The following HERC2 variants were observed in gnomAD, a reference collection of about 807,000 sequenced individuals.
HERC2 encodes the protein HECT and RLD domain containing E3 ubiquitin protein ligase 2.
Under a neutral mutation model 537.7 loss-of-function variants are expected in HERC2, and 102 were observed. The ratio of observed to expected loss-of-function variants is 0.19; its 90% CI spans 0.16 to 0.22. The LOEUF is 0.22. Ranked by LOEUF, HERC2 falls within the 10% of genes least tolerant of loss-of-function variation. HERC2 has a pLI of 1.00. For synonymous variants in HERC2, 2,224 were observed against 2,466.2 expected, an observed-to-expected ratio of 0.90 and a Z score of 2.91; for missense variants, 4,236 against 6,198.2, an observed-to-expected ratio of 0.68 and a Z score of 10.63.
chr15:28,320,874 G>A (rs557856550), intron 2 of HERC2, among the ~76,000 whole-genome samples: 103 of 152,104 alleles, frequency 6.8e-4, no homozygotes, highest in Admixed American at 1.9e-3. Context: ...CTCTTAATAA[G>A]GAGTTACAAA....
At chr15:28,318,572 A>G (rs1269849360) in intron 2 of HERC2, among the ~76,000 whole-genome samples, 1 of 152,040 alleles carries the variant, frequency 6.6e-6, no homozygotes, top group Non-Finnish European at 1.5e-5. Context: ...GCAGTGAGCC[A>G]AGATGGCACC....
At position 28,257,083 on chromosome 15, in the gene HERC2, G is replaced by A. The variant is rs772235584; in HGVS notation, c.2495C>T (p.Thr832Met). The part of the protein sequence containing the change: ...PQEKECVAVA[T>M]LNLLRLQLHA... ...TACCTGAAGTCGTAGAAGATTCAGC[G>A]TTGCCACGGCCACACACTCTTTCTC... Residue 832 changes from threonine (T) to methionine (M), a missense_variant, in exon 17 of 93, where the codon ACG becomes ATG. This residue lies in a region of HERC2 where 754 missense variants were observed against 1,085.0 expected (regional missense o/e 0.69). Coordinates refer to ENST00000261609, the MANE Select transcript of HERC2 (RefSeq NM_004667.6). 10 of 1,613,648 alleles carry A rather than the reference G, an allele frequency of 6.2e-6. No individual in the cohort carries two copies. The highest frequency in any genetic ancestry group is 1.3e-5 in the African/African-American group (1 of 75,010).
At position 28,262,617 on chromosome 15, in the gene HERC2, C is replaced by T. The variant is rs181386031; in HGVS notation, c.2122+301G>A. Among the ~76,000 whole-genome samples, 30 of 152,326 alleles carry T rather than the reference C, an allele frequency of 2.0e-4. No homozygotes were observed. In the South Asian group the frequency reaches 3.9e-3, roughly 20 times the overall value. ...AGGTGACCTCACCACACAGAGGGAA[C>T]CCTTACTGAGTCCAGCCTGCTGAGT... On this transcript the variant is annotated intron_variant, in intron 15 of 92. Coordinates refer to ENST00000261609, the MANE Select transcript of HERC2 (RefSeq NM_004667.6).
chr15:28,157,602 A>AT (rs1893143630), intron 69 of HERC2, among the ~76,000 whole-genome samples: 1 of 152,100 alleles, frequency 6.6e-6, no homozygotes, highest in Non-Finnish European at 1.5e-5. Flanking sequence ...CCCCTTTATC[A>AT]TTTTTTATTG....
chr15:28,277,123 C>CA (rs990322179), intron 5 of HERC2, among the ~76,000 whole-genome samples: 11 of 152,030 alleles, frequency 7.2e-5, no homozygotes, highest in Non-Finnish European at 1.3e-4. Flanking sequence ...AAGCCAATGT[C>CA]AAAAAATCAC....
chr15:28,122,368 G>T lies in HERC2; in HGVS notation c.13189-939C>A, dbSNP rs1363499324. Among the ~76,000 whole-genome samples, 1 of 152,224 alleles carries T rather than the reference G, an allele frequency of 6.6e-6. No individual in the cohort carries two copies. Among genetic ancestry groups the T allele is most frequent in the Admixed American group, 6.5e-5 (1 of 15,284 alleles). Reference sequence around the variant, plus strand: ...GGCAATCGTGCCTTCTTTCGGTTAGGGGTGGGCTGTGGGAGCACAAGGGTC... The same window carrying T: ...GGCAATCGTGCCTTCTTTCGGTTAGTGGTGGGCTGTGGGAGCACAAGGGTC... On this transcript the variant is annotated intron_variant, in intron 85 of 92. Transcript: ENST00000261609. This position sits in a 1 kb window ranked among gnomAD's most constrained non-coding sequence, Gnocchi z 4.1.
intron 2 of HERC2, among the ~76,000 whole-genome samples, chr15:28,308,781 C>A (rs1319281395): frequency 2.0e-5 from 3 of 152,286 alleles, no homozygotes; most frequent in Non-Finnish European, 4.4e-5. Context: ...TTATCAAATG[C>A]CTTTTCAGCA....
At chr15:28,278,871 T>C (rs1398616189) in intron 5 of HERC2, among the ~76,000 whole-genome samples, 1 of 152,266 alleles carries the variant, frequency 6.6e-6, no homozygotes, top group Non-Finnish European at 1.5e-5. Flanking sequence ...AAAAGTCTGA[T>C]AGCTTCATTT....
intron 2 of HERC2, among the ~76,000 whole-genome samples, chr15:28,308,423 A>C (rs1456688817): frequency 6.6e-6 from 1 of 152,232 alleles, no homozygotes; most frequent in Non-Finnish European, 1.5e-5. Flanking sequence ...AATTGTATTG[A>C]ATTTATCGGC....
At chr15:28,308,223 G>T (rs2076845779) in intron 2 of HERC2, among the ~76,000 whole-genome samples, 1 of 152,132 alleles carries the variant, frequency 6.6e-6, no homozygotes, top group South Asian at 2.1e-4. Flanking sequence ...CTTCTTTAAT[G>T]TCTTTCATCA....
At chr15:28,139,505 G>C (rs1375482721) in intron 78 of HERC2, among the ~76,000 whole-genome samples, 1 of 152,222 alleles carries the variant, frequency 6.6e-6, no homozygotes, top group East Asian at 1.9e-4. Flanking sequence ...GATGACTGCA[G>C]CCTGCTGAGA....
At position 28,177,497 on chromosome 15, in the gene HERC2, G is replaced by A. The variant is rs771398469; in HGVS notation, c.9176C>T (p.Ala3059Val). Residue 3059 changes from alanine to valine, a missense_variant, in exon 60 of 93, where the codon GCG becomes GTG. By Grantham distance (64) the Ala-to-Val change is moderately conservative. This residue lies in a region of HERC2 where 606 missense variants were observed against 884.5 expected (regional missense o/e 0.69). Transcript: ENST00000261609. This position sits in a 1 kb window ranked among gnomAD's most constrained non-coding sequence, Gnocchi z 5.0. Reference sequence around the variant, plus strand: ...TTTTCCATCGACAGTTAAAGCCGTCGCGTGCCGGCCACCTGCAACATTCAC... The same window carrying A: ...TTTTCCATCGACAGTTAAAGCCGTCACGTGCCGGCCACCTGCAACATTCAC... ...KVAVHSGGRHATALTVDGKVF... is the reference protein window; with the variant it reads ...KVAVHSGGRHVTALTVDGKVF... The A allele has an allele frequency of 3.1e-6, 5 of 1,614,144 alleles. No individual in the cohort carries two copies. Among genetic ancestry groups the A allele is most frequent in the Admixed American group, 3.3e-5 (2 of 60,022 alleles).
intron 74 of HERC2, 24 bp from the exon 75 acceptor site, chr15:28,142,976 C>T (rs767493794): frequency 1.2e-6 from 2 of 1,605,056 alleles, no homozygotes; most frequent in Non-Finnish European, 8.5e-7. Flanking sequence ...GAACAGTATT[C>T]TATCGCAGGA....
At chr15:28,213,617 C>G in intron 42 of HERC2, 125 bp downstream of exon 42, 1 of 1,532,240 alleles carries the variant, frequency 6.5e-7, no homozygotes. Flanking sequence ...CAAGCTCACA[C>G]AGCTTCCTGG....
intron 55 of HERC2, among the ~76,000 whole-genome samples, chr15:28,188,815 G>A (rs955565660): frequency 2.6e-5 from 4 of 152,022 alleles, no homozygotes; most frequent in Admixed American, 1.3e-4. Flanking sequence ...GGCTGGGTGC[G>A]GTGCCTCATG....
chr15:28,173,045 G>A (rs1894844882), intron 65 of HERC2, among the ~76,000 whole-genome samples: 1 of 152,206 alleles, frequency 6.6e-6, no homozygotes, highest in Non-Finnish European at 1.5e-5. Flanking sequence ...AAACCACAAT[G>A]AGATACCACC....
intron 56 of HERC2, among the ~76,000 whole-genome samples, chr15:28,185,927 C>T (rs1896265145): frequency 6.6e-6 from 1 of 152,140 alleles, no homozygotes; most frequent in South Asian, 2.1e-4. Flanking sequence ...AGTAGGCATT[C>T]AAAAGATGTT....
rs185385999 is a variant in HERC2 at position 28,219,255 on chromosome 15, A to G, written c.5846-584T>C. Among the ~76,000 whole-genome samples, 284 of 152,350 alleles carry G rather than the reference A, an allele frequency of 1.9e-3. 2 individuals are homozygous for G. Among genetic ancestry groups the G allele is most frequent in the Non-Finnish European group, 2.0e-3 (135 of 68,034 alleles). On this transcript the variant is annotated intron_variant, in intron 37 of 92. Coordinates refer to ENST00000261609, the MANE Select transcript of HERC2 (RefSeq NM_004667.6). ...TGTGGAGTGGGGCGACCAGACGCTC[A>G]TGCAGCCCGCTTGGCTGGCTTTGGG... is the stretch of plus-strand genomic sequence containing the variant.
intron 23 of HERC2, among the ~76,000 whole-genome samples, chr15:28,239,724 G>T (rs1902857317): frequency 6.7e-6 from 1 of 148,958 alleles, no homozygotes; most frequent in South Asian, 2.3e-4. Flanking sequence ...GCAGATTAAT[G>T]TAACTAACAG....
Sources: gnomAD v4.1 joint callset for allele counts (sites outside exome capture counted in the v4.1 genomes callset) on GRCh38, gnomAD v4.1.1 for gene constraint, gnomAD v4.1.1 regional missense constraint, Gnocchi (gnomAD v3.1) non-coding constraint, MANE v1.5 for transcripts, NCBI Gene and HGNC (gene_info 2026-07-23, HGNC 2026-07-21) for gene names.